TLDC2: variants seen among roughly 807,000 people sequenced by gnomAD.
TLDC2 encodes the protein TBC/LysM-associated domain containing 2, also known as TLD domain-containing protein 2.
TLDC2 carries 23 observed loss-of-function variants against 27.9 expected under a neutral mutation model. The observed-to-expected ratio is 0.82, with a 90% CI of 0.59 to 1.17. The LOEUF is 1.17. TLDC2 is among the 50% of genes most tolerant of loss of function. The pLI is 0.00. For synonymous variants in TLDC2, 124 were observed against 107.4 expected (o/e 1.16, Z -0.96); for missense variants, 286 against 273.4 (o/e 1.05, Z -0.32).
At chr20:36,880,961 C>T (rs115784591) in intron 4 of TLDC2, among the ~76,000 whole-genome samples, 1,528 of 152,318 alleles carry the variant, frequency 0.01, 26 homozygotes, top group East Asian at 0.027. Flanking sequence ...TCTCTGGCAA[C>T]CGCTGACTGG....
At chr20:36,880,354 C>G (rs761209994) in intron 3 of TLDC2, among the ~76,000 whole-genome samples, 14 of 151,848 alleles carry the variant, frequency 9.2e-5, no homozygotes, top group Admixed American at 3.3e-4. Flanking sequence ...CCAGCCTCCC[C>G]CAAAGTGCTG....
chr20:36,893,082 A>G lies in TLDC2; in HGVS notation c.*238A>G. The G allele has an allele frequency of 6.2e-7, 1 of 1,611,832 alleles. No individual in the cohort carries two copies. The highest frequency in any genetic ancestry group is 8.5e-7 in the Non-Finnish European group (1 of 1,180,002). ...CATCGCCATCCTATTAGGAAGAGAG[A>G]GAAAAACAGGCAATAGAGAAAAGCC... On this transcript the variant is annotated 3_prime_UTR_variant, in exon 7 of 7. Transcript: ENST00000217320.
intron 3 of TLDC2, among the ~76,000 whole-genome samples, 196 bp downstream of exon 3, chr20:36,879,389 G>C (rs1989751328): frequency 6.6e-6 from 1 of 152,222 alleles, no homozygotes; most frequent in African/African-American, 2.4e-5. Flanking sequence ...TCTACATGGG[G>C]CGCCTTCTGT....
At chr20:36,879,960 G>T (rs1319687450) in intron 3 of TLDC2, among the ~76,000 whole-genome samples, 2 of 150,184 alleles carry the variant, frequency 1.3e-5, no homozygotes, top group Non-Finnish European at 3.0e-5. Flanking sequence ...ATTAAGAGTG[G>T]TTATCTTGGG....
Position 36,892,972 on chromosome 20 carries a change from G to T in TLDC2, c.*128G>T, listed in dbSNP as rs62208115. 1.2e-6 allele frequency: 2 copies of T among 1,614,062 alleles called. No homozygotes were observed. Among genetic ancestry groups the T allele is most frequent in the Non-Finnish European group, 1.7e-6 (2 of 1,180,016 alleles). ...TTTAAAAAGCTGGACTCTGCTTTTG[G>T]ATGCTTCTCGGAGGCGAGTTGGATT... On this transcript the variant is annotated 3_prime_UTR_variant, in exon 7 of 7. Transcript: ENST00000217320.
chr20:36,878,791 T>C (rs888690015), intron 2 of TLDC2, among the ~76,000 whole-genome samples: 16 of 151,876 alleles, frequency 1.1e-4, no homozygotes, highest in Non-Finnish European at 4.4e-5. Context: ...TACCATTCAC[T>C]ACCCATGCGA....
At chr20:36,883,396 C>T (rs543059568) in intron 4 of TLDC2, among the ~76,000 whole-genome samples, 31 of 152,060 alleles carry the variant, frequency 2.0e-4, no homozygotes, top group Non-Finnish European at 3.7e-4. Context: ...CTCCACCTCC[C>T]AAAGTGCTGG....
intron 4 of TLDC2, among the ~76,000 whole-genome samples, chr20:36,883,621 G>A (rs1225441003): frequency 6.6e-6 from 1 of 152,106 alleles, no homozygotes; most frequent in African/African-American, 2.4e-5. Flanking sequence ...TGAGCTGTCA[G>A]CAAATCCTGA....
At chr20:36,878,277 A>G (rs1326224731) in intron 2 of TLDC2, among the ~76,000 whole-genome samples, 1 of 152,086 alleles carries the variant, frequency 6.6e-6, no homozygotes, top group African/African-American at 2.4e-5. Flanking sequence ...CCAGGAGGTT[A>G]AGGAGGTAAA....
At chr20:36,884,691 GA>G (rs1358122759) in intron 4 of TLDC2, among the ~76,000 whole-genome samples, 3 of 150,584 alleles carry the variant, frequency 2.0e-5, no homozygotes, top group African/African-American at 5.0e-5. Context: ...CCAGGAATTT[GA>G]GGCTGCAGTG....
Position 36,893,169 on chromosome 20 carries a change from A to G in TLDC2, c.*325A>G. The G allele has an allele frequency of 1.4e-6, 2 of 1,433,940 alleles. No individual in the cohort carries two copies. The highest frequency in any genetic ancestry group is 1.9e-6 in the Non-Finnish European group (2 of 1,033,592). 88.8% of individuals were successfully genotyped at this position (1,433,940 alleles called of 1,614,324 possible). ...GTGCGCACATCCTCATCTTGCATAT[A>G]GATTGCTTCTAGCTGTCCTCAATCC... On this transcript the variant is annotated 3_prime_UTR_variant, in exon 7 of 7. Transcript: ENST00000217320.
Position 36,880,786 on chromosome 20 carries a change from G to A in TLDC2, c.438+36G>A, listed in dbSNP as rs368109186. ...CAACCTTCCATGGGGGGAGTGGGGC[G>A]TGTGGCGAGACAAAGCTCCCGGGGT... On this transcript the variant is annotated intron_variant, in intron 4 of 6. Coordinates refer to ENST00000217320, the MANE Select transcript of TLDC2 (RefSeq NM_080628.3). The A allele has an allele frequency of 7.2e-5, 115 of 1,596,174 alleles. 1 individual carries two copies. The African/African-American group carries it at 1.3e-3, about 18-fold the overall frequency.
chr20:36,877,926 G>A lies in TLDC2; in HGVS notation c.61G>A (p.Gly21Arg), dbSNP rs1018757646. ...LPSQVEDTLS[G>R]EEGNEEEEEE... is the part of the protein sequence containing the mutation. ...CAGCCAGGTGGAGGACACCCTGTCT[G>A]GGGAGGAGGGTAACGAAGAGGAAGA... Residue 21 changes from glycine to arginine, a missense_variant, in exon 2 of 7, where the codon GGG (glycine) becomes AGG (arginine). Physicochemically the swap from Gly to Arg is moderately radical, Grantham distance 125 (BLOSUM62 -2). Transcript: ENST00000217320. 5.0e-6 allele frequency: 8 copies of A among 1,613,686 alleles called. No individual in the cohort carries two copies. The highest frequency in any genetic ancestry group is 1.3e-5 in the African/African-American group (1 of 74,908).
At chr20:36,881,623 T>C (rs74584244) in intron 4 of TLDC2, among the ~76,000 whole-genome samples, 1 of 151,984 alleles carries the variant, frequency 6.6e-6, no homozygotes, top group South Asian at 2.1e-4. Context: ...CAGCCAGGGT[T>C]GGGGGTTTTG....
intron 2 of TLDC2, 130 bp downstream of exon 2, chr20:36,878,184 G>A (rs184984750): frequency 1.5e-4 from 155 of 1,009,002 alleles, no homozygotes; most frequent in East Asian, 1.5e-3. Context: ...CGTTACCTCC[G>A]GCAAATTGCT....
At position 36,893,500 on chromosome 20, in the gene TLDC2, C is replaced by G; in HGVS notation, c.*656C>G. 1 of 249,748 alleles carries G rather than the reference C, an allele frequency of 4.0e-6. No individual in the cohort carries two copies. 15.5% of individuals were successfully genotyped at this position (249,748 alleles called of 1,614,324 possible). A position where few individuals can be genotyped will look rare whatever the true frequency, so the allele number is the denominator to read the frequency against. On this transcript the variant is annotated 3_prime_UTR_variant, in exon 7 of 7. Coordinates refer to ENST00000217320, the MANE Select transcript of TLDC2 (RefSeq NM_080628.3). ...GGGGAGGAAGAACAGTATGTACCTG[C>G]AGAATTTAAATTTTTCTCTGCATCA...
chr20:36,893,992 C>T lies in TLDC2; in HGVS notation c.*1148C>T, dbSNP rs1434047842. The T allele has an allele frequency of 5.0e-6, 2 of 398,504 alleles. No homozygotes were observed. Among genetic ancestry groups the T allele is most frequent in the Non-Finnish European group, 8.8e-6 (2 of 226,052 alleles). 24.7% of individuals were successfully genotyped at this position (398,504 alleles called of 1,614,324 possible). On this transcript the variant is annotated 3_prime_UTR_variant, in exon 7 of 7. Coordinates refer to ENST00000217320, the MANE Select transcript of TLDC2 (RefSeq NM_080628.3). ...CTCTCCCTACCTCCTCTGGCACGAG[C>T]GGCAGTGGCAGTGACTATTCTGTGG...
intron 4 of TLDC2, among the ~76,000 whole-genome samples, chr20:36,887,081 C>T (rs1159767147): frequency 2.0e-5 from 3 of 152,066 alleles, no homozygotes; most frequent in Non-Finnish European, 4.4e-5. Flanking sequence ...TGAGGCAGCA[C>T]TGAAGAGCAG....
At chr20:36,879,318 C>A in intron 3 of TLDC2, 125 bp downstream of exon 3, 1 of 1,270,052 alleles carries the variant, frequency 7.9e-7, no homozygotes. Context: ...ATAATGGACA[C>A]TGATGATGGC....
Sources: gnomAD v4.1 joint callset for allele counts (sites outside exome capture counted in the v4.1 genomes callset) on GRCh38, gnomAD v4.1.1 for gene constraint, MANE v1.5 for transcripts, NCBI Gene and HGNC (gene_info 2026-07-23, HGNC 2026-07-21) for gene names.